Variants in TSHZ2 observed in about 807,000 individuals in gnomAD.
TSHZ2 encodes the protein teashirt homolog 2.
TSHZ2 carries 21 observed loss-of-function variants against 74.4 expected under a neutral mutation model. That is an observed-to-expected ratio of 0.28 (90% CI 0.20 to 0.41). TSHZ2 has a LOEUF of 0.41. Ranked by LOEUF, TSHZ2 falls within the 10% of genes least tolerant of loss-of-function variation. The probability of loss-of-function intolerance (pLI) is 1.00; values close to 1 mark genes in which losing one functional copy is unlikely to be tolerated. For missense variants in TSHZ2, 1,244 were observed against 1,293.5 expected (o/e 0.96, Z 0.59); for synonymous variants, 540 against 515.3 (o/e 1.05, Z -0.65).
At chr20:53,010,087 ATCC>A (rs1355586949) in intron 1 of TSHZ2, among the ~76,000 whole-genome samples, 1 of 151,980 alleles carries the variant, frequency 6.6e-6, no homozygotes, top group Non-Finnish European at 1.5e-5. Flanking sequence ...TTTTCTCCTC[ATCC>A]TCGTATGTAA....
At chr20:53,342,955 CTTTTT>C (rs1175907478) in intron 2 of TSHZ2, among the ~76,000 whole-genome samples, 6 of 61,220 alleles carry the variant, frequency 9.8e-5, no homozygotes, top group African/African-American at 3.3e-4. Context: ...CTTTTCTTTT[CTTTTT>C]TTTTTTTTTT....
At chr20:53,483,172 C>T (rs543917918) in intron 2 of TSHZ2, among the ~76,000 whole-genome samples, 8 of 152,008 alleles carry the variant, frequency 5.3e-5, no homozygotes, top group African/African-American at 9.7e-5. Flanking sequence ...CAGTGGCTCA[C>T]GCCTGTAATC....
intron 1 of TSHZ2, among the ~76,000 whole-genome samples, chr20:53,244,583 C>G (rs1193725266): frequency 2.6e-5 from 4 of 152,200 alleles, no homozygotes; most frequent in Non-Finnish European, 4.4e-5. Flanking sequence ...GTCACCAAGA[C>G]ACGTCGCAAT....
At chr20:53,054,687 T>A (rs962278557) in intron 1 of TSHZ2, among the ~76,000 whole-genome samples, 1 of 152,170 alleles carries the variant, frequency 6.6e-6, no homozygotes, top group Non-Finnish European at 1.5e-5. Context: ...TTTGCAAAAG[T>A]AAGATGTTTA....
At chr20:53,354,483 A>G (rs1175616545) in intron 2 of TSHZ2, among the ~76,000 whole-genome samples, 1 of 152,260 alleles carries the variant, frequency 6.6e-6, no homozygotes, top group Non-Finnish European at 1.5e-5. Flanking sequence ...TAAGCACAAG[A>G]AGATGACTCA....
chr20:53,319,152 A>G (rs963117976), intron 2 of TSHZ2, among the ~76,000 whole-genome samples: 1 of 152,210 alleles, frequency 6.6e-6, no homozygotes, highest in Non-Finnish European at 1.5e-5. Context: ...CGGCCAAACC[A>G]TATCATATGC....
chr20:53,152,627 T>C (rs1369953195), intron 1 of TSHZ2, among the ~76,000 whole-genome samples: 1 of 152,212 alleles, frequency 6.6e-6, no homozygotes, highest in African/African-American at 2.4e-5. Flanking sequence ...TAACCCTATG[T>C]AGGACAACCA....
intron 2 of TSHZ2, among the ~76,000 whole-genome samples, chr20:53,316,453 G>A (rs1460995914): frequency 6.6e-6 from 1 of 152,180 alleles, no homozygotes; most frequent in African/African-American, 2.4e-5. Context: ...AATGCAGGCA[G>A]AGAAATGATG....
chr20:52,995,838 T>TC (rs1241287967), intron 1 of TSHZ2, among the ~76,000 whole-genome samples: 6 of 152,000 alleles, frequency 3.9e-5, no homozygotes, highest in East Asian at 3.9e-4. Flanking sequence ...GCCAGGCTGG[T>TC]CTTGATCTCC....
intron 1 of TSHZ2, among the ~76,000 whole-genome samples, chr20:53,039,132 C>T (rs1983944692): frequency 6.8e-6 from 1 of 146,688 alleles, no homozygotes; most frequent in African/African-American, 2.6e-5. Flanking sequence ...GTGATCCACC[C>T]ACTTCCACCT....
chr20:52,987,523 TCTCTCTCTC>T (rs1322608589), intron 1 of TSHZ2, among the ~76,000 whole-genome samples: 1 of 150,740 alleles, frequency 6.6e-6, no homozygotes, highest in East Asian at 1.9e-4. Context: ...CTCTCTCTCT[TCTCTCTCTC>T]CTCTCTCTCT....
intron 2 of TSHZ2, among the ~76,000 whole-genome samples, chr20:53,351,014 G>A (rs1463194614): frequency 6.6e-6 from 1 of 152,144 alleles, no homozygotes; most frequent in African/African-American, 2.4e-5. Flanking sequence ...ATAATTTTTG[G>A]CCTCAGAATA....
chr20:53,328,352 T>C (rs1568870091), intron 2 of TSHZ2, among the ~76,000 whole-genome samples: 1 of 152,208 alleles, frequency 6.6e-6, no homozygotes, highest in Non-Finnish European at 1.5e-5. Flanking sequence ...CAGCAGGATA[T>C]GTATAAATCC....
chr20:53,463,999 T>G (rs925572912), intron 2 of TSHZ2, among the ~76,000 whole-genome samples: 2 of 152,252 alleles, frequency 1.3e-5, no homozygotes, highest in African/African-American at 2.4e-5. Context: ...TGCGTAAGCC[T>G]GAGCCTCCAT....
At chr20:53,274,140 C>T (rs969929808) in intron 2 of TSHZ2, among the ~76,000 whole-genome samples, 5 of 152,186 alleles carry the variant, frequency 3.3e-5, no homozygotes, top group African/African-American at 4.8e-5. Context: ...TGTGGTGGCG[C>T]GTGCCTGTAA....
intron 1 of TSHZ2, among the ~76,000 whole-genome samples, chr20:53,122,364 T>A (rs1009190559): frequency 6.6e-6 from 1 of 151,866 alleles, no homozygotes; most frequent in Non-Finnish European, 1.5e-5. Context: ...GACATTATTG[T>A]CATCAACATC....
At chr20:53,294,719 G>A (rs1357916463) in intron 2 of TSHZ2, among the ~76,000 whole-genome samples, 2 of 152,222 alleles carry the variant, frequency 1.3e-5, no homozygotes, top group Non-Finnish European at 2.9e-5. Context: ...AGTCCATCAA[G>A]AGGTTCTGAG....
chr20:53,245,092 C>T (rs2123702755), intron 1 of TSHZ2, among the ~76,000 whole-genome samples: 1 of 152,278 alleles, frequency 6.6e-6, no homozygotes, highest in Non-Finnish European at 1.5e-5. Context: ...TGCCTAGAAC[C>T]AGCACTGAGA....
At chr20:53,163,719 A>C (rs1214800503) in intron 1 of TSHZ2, among the ~76,000 whole-genome samples, 1 of 152,150 alleles carries the variant, frequency 6.6e-6, no homozygotes, top group Non-Finnish European at 1.5e-5. Context: ...GCCAAAAACT[A>C]CATGAGTTAA....
Sources: gnomAD v4.1 joint callset for allele counts (sites outside exome capture counted in the v4.1 genomes callset) on GRCh38, gnomAD v4.1.1 for gene constraint, MANE v1.5 for transcripts, NCBI Gene and HGNC (gene_info 2026-07-23, HGNC 2026-07-21) for gene names.